KLF12: variants seen among roughly 807,000 people sequenced by gnomAD.
The protein encoded by KLF12 is KLF transcription factor 12.
A neutral mutation model predicts 37.8 loss-of-function variants in KLF12; 9 were observed. That is an observed-to-expected ratio of 0.24 (90% CI 0.14 to 0.42). The LOEUF (loss-of-function observed/expected upper bound fraction) is 0.42. Among genes scored for constraint, KLF12 ranks in the 10% least tolerant of loss-of-function variants. The probability of loss-of-function intolerance (pLI) is 1.00; values close to 1 mark genes in which losing one functional copy is unlikely to be tolerated. For missense variants in KLF12, 411 were observed against 516.0 expected (o/e 0.80, Z 1.97); for synonymous variants, 208 against 202.1 (o/e 1.03, Z -0.25).
intron 6 of KLF12, among the ~76,000 whole-genome samples, chr13:73,724,655 C>T (rs374055485): frequency 6.6e-6 from 1 of 152,134 alleles, no homozygotes; most frequent in Non-Finnish European, 1.5e-5. Flanking sequence ...TCTTTGAATA[C>T]TCTGTGAAAT....
chr13:73,772,422 G>T (rs9530238), intron 5 of KLF12, among the ~76,000 whole-genome samples: 82,613 of 152,140 alleles, frequency 0.54, 23,617 homozygotes, highest in Non-Finnish European at 0.65. Flanking sequence ...GCAGATAAAC[G>T]GCCATGGTGC....
At chr13:73,865,433 A>G (rs1179596404) in intron 3 of KLF12, among the ~76,000 whole-genome samples, 2 of 152,216 alleles carry the variant, frequency 1.3e-5, no homozygotes, top group Non-Finnish European at 2.9e-5. Context: ...TAAATTTGTA[A>G]AAGTGCATTT....
At chr13:73,989,888 C>T (rs1052464819) in intron 2 of KLF12, among the ~76,000 whole-genome samples, 1 of 151,216 alleles carries the variant, frequency 6.6e-6, no homozygotes, top group Non-Finnish European at 1.5e-5. Flanking sequence ...TCATAGACTC[C>T]AAAAAATTAA....
At position 73,692,022 on chromosome 13, in the gene KLF12, C is replaced by T. The variant is rs1322363135; in HGVS notation, c.*3468G>A. 2.0e-5 allele frequency: 3 copies of T among 152,588 alleles called. No individual in the cohort carries two copies. The East Asian group carries it at 5.8e-4, about 29-fold the overall frequency. The allele number at this position is 152,588 out of a possible 1,614,324, so 9.5% of individuals were successfully genotyped here. On this transcript the variant is annotated 3_prime_UTR_variant, in exon 8 of 8. Transcript: ENST00000377669. The stretch of plus-strand genomic sequence containing the variant: ...TAAGCTTTCAAGTGAATGAAAAGTG[C>T]TCATTTTTTTAAAAAATGTGGTTTA...
chr13:74,166,217 G>A, the KLF12 span, among the ~76,000 whole-genome samples: 18 of 147,322 alleles, frequency 1.2e-4, no homozygotes, highest in Non-Finnish European at 5.9e-5. Context: ...CTCAGCCCCC[G>A]AGTAGCTGGG....
At chr13:73,770,270 T>C (rs1880184955) in intron 5 of KLF12, among the ~76,000 whole-genome samples, 1 of 152,192 alleles carries the variant, frequency 6.6e-6, no homozygotes, top group Non-Finnish European at 1.5e-5. Context: ...TAGGTTACTC[T>C]AGATGTTATT....
At chr13:74,244,048 T>C in the KLF12 span, among the ~76,000 whole-genome samples, 1 of 152,236 alleles carries the variant, frequency 6.6e-6, no homozygotes, top group Non-Finnish European at 1.5e-5. Context: ...GTTTACCAAA[T>C]GAATCATTAT....
chr13:74,145,707 T>A, the KLF12 span, among the ~76,000 whole-genome samples: 1 of 152,176 alleles, frequency 6.6e-6, no homozygotes, highest in Non-Finnish European at 1.5e-5. Context: ...CAAATAAATA[T>A]TTTGCCTTTT....
intron 1 of KLF12, among the ~76,000 whole-genome samples, chr13:74,017,115 A>G (rs977271606): frequency 6.6e-6 from 1 of 152,088 alleles, no homozygotes; most frequent in Admixed American, 6.5e-5. Context: ...TTTTATGACT[A>G]TCTGGATAAA....
At chr13:74,036,479 A>G (rs1343521296) in intron 1 of KLF12, among the ~76,000 whole-genome samples, 1 of 152,190 alleles carries the variant, frequency 6.6e-6, no homozygotes. Context: ...ATCCCCACAC[A>G]GTGCACGCAC....
At chr13:73,714,492 T>C (rs1385156322) in intron 7 of KLF12, among the ~76,000 whole-genome samples, 1 of 152,214 alleles carries the variant, frequency 6.6e-6, no homozygotes, top group Non-Finnish European at 1.5e-5. Flanking sequence ...ACTTGCTTGC[T>C]GTGAGCCATG....
chr13:74,178,910 A>G, the KLF12 span, among the ~76,000 whole-genome samples: 3 of 152,194 alleles, frequency 2.0e-5, no homozygotes, highest in East Asian at 1.9e-4. Flanking sequence ...ACAATTTATA[A>G]TCTGTTACAG....
At chr13:73,897,518 T>C (rs1887843382) in intron 3 of KLF12, among the ~76,000 whole-genome samples, 1 of 151,836 alleles carries the variant, frequency 6.6e-6, no homozygotes, top group African/African-American at 2.4e-5. Flanking sequence ...CCAAACGACG[T>C]GGCATTCCAG....
chr13:74,179,793 T>A, the KLF12 span, among the ~76,000 whole-genome samples: 8 of 152,188 alleles, frequency 5.3e-5, no homozygotes, highest in Non-Finnish European at 8.8e-5. Flanking sequence ...AACTCTAAAT[T>A]GCTTTAATAT....
the KLF12 span, among the ~76,000 whole-genome samples, chr13:74,273,172 T>G: frequency 6.6e-6 from 1 of 152,306 alleles, no homozygotes; most frequent in Non-Finnish European, 1.5e-5. Context: ...CAGAATTCCT[T>G]ATTTTGTGGC....
At chr13:74,181,272 A>G in the KLF12 span, among the ~76,000 whole-genome samples, 1 of 148,970 alleles carries the variant, frequency 6.7e-6, no homozygotes, top group East Asian at 2.1e-4. Flanking sequence ...TGTTGGGATT[A>G]CAGGCGTGAG....
At chr13:74,080,469 A>T (rs1168958261) in intron 1 of KLF12, among the ~76,000 whole-genome samples, 3 of 152,044 alleles carry the variant, frequency 2.0e-5, no homozygotes, top group African/African-American at 7.2e-5. Flanking sequence ...CACTGTGAAT[A>T]TATAATACTT....
chr13:74,255,583 G>C, the KLF12 span, among the ~76,000 whole-genome samples: 1 of 152,140 alleles, frequency 6.6e-6, no homozygotes, highest in Non-Finnish European at 1.5e-5. Flanking sequence ...TTTTTGACCT[G>C]AGAAGGATAT....
intron 3 of KLF12, among the ~76,000 whole-genome samples, chr13:73,895,643 AGGAG>A (rs909245374): frequency 5.3e-5 from 8 of 152,280 alleles, no homozygotes; most frequent in African/African-American, 1.9e-4. Context: ...CACAGGGCAC[AGGAG>A]GAAGGTCAAG....
Sources: allele counts gnomAD v4.1 joint callset (sites outside exome capture counted in the v4.1 genomes callset), GRCh38; gene constraint gnomAD v4.1.1; transcripts MANE v1.5; gene names NCBI Gene and HGNC (gene_info 2026-07-23, HGNC 2026-07-21).